The following CNGA4 variants were observed in gnomAD, a reference collection of about 807,000 sequenced individuals.
CNGA4 encodes the protein cyclic nucleotide-gated channel alpha-4.
Under a neutral mutation model 45.6 loss-of-function variants are expected in CNGA4, and 32 were observed. The observed-to-expected ratio is 0.70, with a 90% CI of 0.53 to 0.94. The LOEUF (loss-of-function observed/expected upper bound fraction) is 0.94. CNGA4 is among the 40% of genes least tolerant of loss of function. The pLI, the probability that CNGA4 is intolerant of heterozygous loss-of-function variation, is 0.00. For missense variants in CNGA4, 726 were observed against 755.1 expected (o/e 0.96, Z 0.45); for synonymous variants, 293 against 304.6 (o/e 0.96, Z 0.40).
At chr11:6,242,886 T>C (rs1263995237) in intron 5 of CNGA4, among the ~76,000 whole-genome samples, 4 of 152,130 alleles carry the variant, frequency 2.6e-5, no homozygotes, top group Non-Finnish European at 2.9e-5. Flanking sequence ...TCCACCAACA[T>C]CTTTCTAAAC....
rs140202640 is a variant in CNGA4, at chr11:6,242,609, C to T, written c.1267+829C>T. Among the ~76,000 whole-genome samples, 255 of 152,292 alleles carry T rather than the reference C, an allele frequency of 1.7e-3. 1 individual carries two copies. Among genetic ancestry groups the T allele is most frequent in the African/African-American group, 5.9e-3 (246 of 41,558 alleles). On this transcript the variant is annotated intron_variant, in intron 5 of 5. Transcript: ENST00000379936. ...CCAATGATCCCCTCAAGCTCCACAT[C>T]CTGTATGTGGTAGGATGCTGTCTGT...
At position 6,240,649 on chromosome 11, in the gene CNGA4, G is replaced by A. The variant is rs747646079; in HGVS notation, c.855G>A (p.Leu285=). 7 of 1,614,060 alleles carry A rather than the reference G, an allele frequency of 4.3e-6. No individual in the cohort carries two copies. In the African/African-American group the frequency reaches 9.3e-5, roughly 22 times the overall value. ...CGGCTTTCTACCCAGATCATGCACT[G>A]GTGAAGAAGTACATGAAGCTGCAGC... is the stretch of plus-strand genomic sequence containing the variant. The part of the protein sequence containing the change: ...ADAAFYPDHA[L]VKKYMKLQHV... The change falls in exon 4 of 6, where the codon CTG becomes CTA. Residue 285 remains leucine, a synonymous_variant. Transcript: ENST00000379936. This position sits in a 1 kb window ranked among gnomAD's most constrained non-coding sequence, Gnocchi z 4.9.
rs1169468321 is a variant in CNGA4 at position 6,240,596 on chromosome 11, G to C, written c.802G>C (p.Val268Leu). ...FATIMGSMSS[V>L]IYNMNTADAA... ...CACCATCATGGGTAGCATGAGCTCT[G>C]TCATCTACAACATGAACACTGCAGA... The change falls in exon 4 of 6, where the codon GTC becomes CTC. Residue 268 changes from valine (V) to leucine (L), a missense_variant. Val to Leu is a conservative substitution (Grantham distance 32). Transcript: ENST00000379936. This position sits in a 1 kb window ranked among gnomAD's most constrained non-coding sequence, Gnocchi z 4.9. The C allele has an allele frequency of 6.2e-7, 1 of 1,614,188 alleles. No homozygotes were observed. Among genetic ancestry groups the C allele is most frequent in the East Asian group, 2.2e-5 (1 of 44,878 alleles).
In CNGA4 at chr11:6,240,961, C is replaced by T. The variant is rs956984515; in HGVS notation, c.917+250C>T. Among the ~76,000 whole-genome samples, 1 of 151,996 alleles carries T rather than the reference C, an allele frequency of 6.6e-6. No individual in the cohort carries two copies. The stretch of plus-strand genomic sequence containing the variant: ...TACTCAAAAAAGGATAATATGGAGA[C>T]CAGGGAATGGGAAGTGCCACTGCCT... On this transcript the variant is annotated intron_variant, in intron 4 of 5. Transcript: ENST00000379936. This position sits in a 1 kb window ranked among gnomAD's most constrained non-coding sequence, Gnocchi z 4.9.
chr11:6,235,438 A>G (rs77094397), upstream of CNGA4: 23,568 of 967,394 alleles, frequency 0.024, 337 homozygotes, highest in Middle Eastern at 0.033. Flanking sequence ...ATTGCAGCGT[A>G]GTGTAATAAG....
In CNGA4 at chr11:6,239,894, C is replaced by T. The variant is rs972322069; in HGVS notation, c.271+104C>T. ...CACCCCCACCGTGGTAGCACCTTCG[C>T]GTGCCTCTATGCCTGACAGCATCCC... On this transcript the variant is annotated intron_variant, in intron 3 of 5. Transcript: ENST00000379936. 34 of 1,359,256 alleles carry T rather than the reference C, an allele frequency of 2.5e-5. No homozygotes were observed. The Admixed American group carries it at 2.8e-4, about 11-fold the overall frequency. The allele number at this position is 1,359,256 out of a possible 1,614,324, so 84.2% of individuals were successfully genotyped here.
chr11:6,244,134 G>A lies in CNGA4; in HGVS notation c.1453G>A (p.Ala485Thr). 6.2e-7 allele frequency: 1 copy of A among 1,614,238 alleles called. No homozygotes were observed. The highest frequency in any genetic ancestry group is 1.1e-5 in the South Asian group (1 of 91,084). ...MNKLDVNAEA[A>T]EIALQEATES... is the part of the protein sequence containing the mutation. ...CAAGTTGGACGTGAATGCTGAGGCAGCTGAGATCGCCCTGCAGGAGGCCAC... is the reference window on the plus strand; with the variant it reads ...CAAGTTGGACGTGAATGCTGAGGCAACTGAGATCGCCCTGCAGGAGGCCAC... Residue 485 changes from alanine (A) to threonine (T), a missense_variant, in exon 6 of 6, where the codon GCT becomes ACT. Ala to Thr is a moderately conservative substitution (Grantham distance 58, BLOSUM62 0). Coordinates refer to ENST00000379936, the MANE Select transcript of CNGA4 (RefSeq NM_001037329.4). The surrounding 1 kb of genome is among the most constrained non-coding windows in gnomAD (Gnocchi z 4.5).
At chr11:6,235,049 A>G (rs1278235432), upstream of CNGA4, among the ~76,000 whole-genome samples, 1 of 152,094 alleles carries the variant, frequency 6.6e-6, no homozygotes, top group Admixed American at 6.5e-5. Flanking sequence ...GGAGAGATGG[A>G]GCCGGAAGAA....
At chr11:6,239,928 C>T (rs181952007) in intron 3 of CNGA4, 138 bp downstream of exon 3, 6 of 1,359,326 alleles carry the variant, frequency 4.4e-6, no homozygotes, top group Non-Finnish European at 6.1e-6. Flanking sequence ...CCAGTGCTCA[C>T]CCCGGAAAGC....
At chr11:6,242,319 G>T (rs1440187064) in intron 5 of CNGA4, among the ~76,000 whole-genome samples, 2 of 152,060 alleles carry the variant, frequency 1.3e-5, no homozygotes, top group Admixed American at 6.5e-5. Flanking sequence ...GAAAGAGAAA[G>T]GTAGAAGAGA....
rs540150885 is a variant in CNGA4 at position 6,239,571 on chromosome 11, C to CAGGG, written c.164+89_164+90insGAGG. The CAGGG allele has an allele frequency of 1.5e-4, 227 of 1,554,832 alleles. No individual in the cohort carries two copies. The African/African-American group carries it at 2.9e-3, about 20-fold the overall frequency. The stretch of plus-strand genomic sequence containing the variant: ...GGAGAAGGGCAGACCCTTGGTGGGG[C>CAGGG]AGGAGGAGCAATTCCCATGGGAGGG... On this transcript the variant is annotated intron_variant, in intron 2 of 5. Coordinates refer to ENST00000379936, the MANE Select transcript of CNGA4 (RefSeq NM_001037329.4).
At chr11:6,244,506 A>C (rs1480875651), downstream of CNGA4, 10 of 1,206,930 alleles carry the variant, frequency 8.3e-6, no homozygotes, top group Non-Finnish European at 1.1e-5. This position sits in a 1 kb window ranked among gnomAD's most constrained non-coding sequence, Gnocchi z 4.5. Context: ...GCGAGATCAC[A>C]GACACAGGAG....
chr11:6,237,153 A>T (rs1847848916), upstream of CNGA4, among the ~76,000 whole-genome samples: 1 of 152,200 alleles, frequency 6.6e-6, no homozygotes, highest in Non-Finnish European at 1.5e-5. Flanking sequence ...GCCTTTTATG[A>T]TCTAGCCTTA....
At position 6,244,325 on chromosome 11, in the gene CNGA4, T is replaced by C; in HGVS notation, c.1644T>C (p.Ala548=). The C allele has an allele frequency of 6.2e-7, 1 of 1,614,100 alleles. No homozygotes were observed. Among genetic ancestry groups the C allele is most frequent in the Non-Finnish European group, 8.5e-7 (1 of 1,180,026 alleles). The change falls in exon 6 of 6, where the codon GCT becomes GCC. Residue 548 remains alanine, a synonymous_variant. Coordinates refer to ENST00000379936, the MANE Select transcript of CNGA4 (RefSeq NM_001037329.4). The surrounding 1 kb of genome is among the most constrained non-coding windows in gnomAD (Gnocchi z 4.5). ...CAATGCCCGAGGACCTGGCTGAGGC[T>C]GATGACGAGGGTGAGCCTGAGGAGG... ...EWPMPEDLAE[A]DDEGEPEEGT... is the part of the protein sequence containing the mutation.
At chr11:6,241,082 C>T (rs1490818409) in intron 4 of CNGA4, among the ~76,000 whole-genome samples, 1 of 152,114 alleles carries the variant, frequency 6.6e-6, no homozygotes, top group Admixed American at 6.5e-5. Context: ...TATGGTGATT[C>T]ATACTGTGGA....
rs1847872160 is a variant in CNGA4 at position 6,239,131 on chromosome 11, A to G, written c.-76A>G. The G allele has an allele frequency of 1.9e-6, 3 of 1,609,618 alleles. No homozygotes were observed. Among genetic ancestry groups the G allele is most frequent in the Non-Finnish European group, 2.5e-6 (3 of 1,178,558 alleles). ...AGCCTCCTTCAGGCAGTCAGGCACT[A>G]GTGCCCAACTCCAGAAGTCCCCTAC... On this transcript the variant is annotated 5_prime_UTR_variant, in exon 1 of 6. Transcript: ENST00000379936.
rs1847894813 is a variant in CNGA4 at position 6,240,248 on chromosome 11, G to T, written c.454G>T (p.Glu152Ter). ...NRFLRAPRLF[E>*]AFDRTETRTA... ...CTTTCTCCGCGCGCCCCGCCTCTTC[G>T]AGGCCTTCGACCGCACAGAGACCCG... Residue 152 changes from glutamate to a stop codon, truncating the protein, a stop_gained, in exon 4 of 6, where the codon GAG (glutamate) becomes TAG (stop). Coordinates refer to ENST00000379936, the MANE Select transcript of CNGA4 (RefSeq NM_001037329.4). LOFTEE classifies it high-confidence loss of function. The surrounding 1 kb of genome is among the most constrained non-coding windows in gnomAD (Gnocchi z 4.9). The T allele has an allele frequency of 1.9e-6, 3 of 1,614,226 alleles. No individual in the cohort carries two copies. Among genetic ancestry groups the T allele is most frequent in the Non-Finnish European group, 2.5e-6 (3 of 1,180,046 alleles).
chr11:6,239,789 A>G lies in CNGA4; in HGVS notation c.270A>G (p.Thr90=), dbSNP rs781126794. 51 of 1,612,496 alleles carry G rather than the reference A, an allele frequency of 3.2e-5. No homozygotes were observed. In the Admixed American group the frequency reaches 8.5e-4, roughly 27 times the overall value. The change falls in exon 3 of 6, where the codon ACA becomes ACG. Residue 90 remains threonine (T), a splice_region_variant and synonymous_variant. Coordinates refer to ENST00000379936, the MANE Select transcript of CNGA4 (RefSeq NM_001037329.4). ...TAGACATGGTGGTGCGCTTCCACACAGGTCAGTGGGCTTCTAGGAATGACC... is the reference window on the plus strand; with the variant it reads ...TAGACATGGTGGTGCGCTTCCACACGGGTCAGTGGGCTTCTAGGAATGACC... ...YLLDMVVRFH[T]GFLEQGILVV... is the part of the protein sequence containing the mutation.
Position 6,240,474 on chromosome 11 carries a change from T to G in CNGA4, c.680T>G (p.Leu227Arg), listed in dbSNP as rs774714834. ...CTCTATAGCTTTTACTTCTCCACGCTGATACTGACTACAGTGGGCGATACA... is the reference window on the plus strand; with the variant it reads ...CTCTATAGCTTTTACTTCTCCACGCGGATACTGACTACAGTGGGCGATACA... ...QYLYSFYFST[L>R]ILTTVGDTPP... The change falls in exon 4 of 6, where the codon CTG becomes CGG. Residue 227 changes from leucine (L) to arginine (R), a missense_variant. Physicochemically the swap from Leu to Arg is moderately radical, Grantham distance 102. Transcript: ENST00000379936. The surrounding 1 kb of genome is among the most constrained non-coding windows in gnomAD (Gnocchi z 4.9). 4.6e-5 allele frequency: 74 copies of G among 1,614,102 alleles called. No homozygotes were observed. The highest frequency in any genetic ancestry group is 6.0e-5 in the Non-Finnish European group (71 of 1,180,052).
Sources: allele counts gnomAD v4.1 joint callset (sites outside exome capture counted in the v4.1 genomes callset), GRCh38; gene constraint gnomAD v4.1.1; non-coding constraint Gnocchi (gnomAD v3.1); transcripts MANE v1.5; gene names NCBI Gene and HGNC (gene_info 2026-07-23, HGNC 2026-07-21).